The following STAG3 variants were observed in gnomAD, a reference collection of about 807,000 sequenced individuals.
The protein encoded by STAG3 is cohesin subunit SA-3.
STAG3 carries 101 observed loss-of-function variants against 160.7 expected under a neutral mutation model. That is an observed-to-expected ratio of 0.63 (90% CI 0.54 to 0.74). The LOEUF (loss-of-function observed/expected upper bound fraction) is 0.74. Ranked by LOEUF, STAG3 falls within the 30% of genes least tolerant of loss-of-function variation. STAG3 has a pLI of 0.00. For missense variants in STAG3, 1,188 were observed against 1,517.4 expected, an observed-to-expected ratio of 0.78 and a Z score of 3.61; for synonymous variants, 519 against 585.0, an observed-to-expected ratio of 0.89 and a Z score of 1.63.
intron 21 of STAG3, 72 bp downstream of exon 21, chr7:100,201,423 A>G: frequency 7.3e-7 from 1 of 1,375,372 alleles, no homozygotes; most frequent in Non-Finnish European, 1.0e-6. Flanking sequence ...CTAGGTGGCC[A>G]CTAGGTGTGT....
At position 100,198,907 on chromosome 7, in the gene STAG3, G is replaced by A. The variant is rs145719011; in HGVS notation, c.1417G>A (p.Ala473Thr). 4.5e-5 allele frequency: 72 copies of A among 1,612,112 alleles called. No homozygotes were observed. The highest frequency in any genetic ancestry group is 2.2e-4 in the East Asian group (10 of 44,902). The change falls in exon 14 of 34, where the codon GCC (alanine) becomes ACC (threonine). Residue 473 changes from alanine (A) to threonine (T), a missense_variant. Ala to Thr is a moderately conservative substitution (Grantham distance 58, BLOSUM62 0). Transcript: ENST00000615138. ...AAGAGAGCAACGCCAGAGCCCAGGC[G>A]CCCAGAGGACTTTCTTCCAGCTTCT... ...GGREQRQSPGAQRTFFQLLLS... is the reference protein window; with the variant it reads ...GGREQRQSPGTQRTFFQLLLS...
chr7:100,214,313 A>G lies in STAG3; in HGVS notation c.*298A>G. 2 of 457,522 alleles carry G rather than the reference A, an allele frequency of 4.4e-6. No individual in the cohort carries two copies. Among genetic ancestry groups the G allele is most frequent in the Admixed American group, 7.8e-5 (2 of 25,648 alleles). The allele number at this position is 457,522 out of a possible 1,614,324, so 28.3% of individuals were successfully genotyped here. On this transcript the variant is annotated 3_prime_UTR_variant, in exon 34 of 34. Coordinates refer to ENST00000615138, the MANE Select transcript of STAG3 (RefSeq NM_001282717.2). The stretch of plus-strand genomic sequence containing the variant: ...ATGGAAATAGCCCATAGTCTCCTGG[A>G]TTTTTGGAACATCTTTCTCAGCCTA...
chr7:100,205,172 G>A, intron 28 of STAG3, 39 bp downstream of exon 28: 3 of 1,613,606 alleles, frequency 1.9e-6, no homozygotes, highest in Non-Finnish European at 2.5e-6. Flanking sequence ...ATTAGGGAAG[G>A]GCCTGCTGAG....
At chr7:100,181,901 CAAAAAA>C (rs3041317) in intron 2 of STAG3, among the ~76,000 whole-genome samples, 183 bp from the exon 3 acceptor site, 1 of 70,314 alleles carries the variant, frequency 1.4e-5, no homozygotes, top group African/African-American at 6.6e-5. Context: ...AACTCCGTCT[CAAAAAA>C]AAAAAAAAAA....
intron 14 of STAG3, 145 bp downstream of exon 14, chr7:100,199,102 C>G: frequency 1.1e-6 from 1 of 880,682 alleles, no homozygotes; most frequent in Non-Finnish European, 1.9e-6. Context: ...CCAGCCTGGG[C>G]AACACAGTGA....
chr7:100,211,383 C>T, intron 30 of STAG3, 52 bp from the exon 31 acceptor site: 2 of 1,587,410 alleles, frequency 1.3e-6, no homozygotes, highest in African/African-American at 1.4e-5. Context: ...TGCCTTACAT[C>T]CTCTTCTTAC....
At chr7:100,193,366 T>C (rs1584691732) in intron 8 of STAG3, among the ~76,000 whole-genome samples, 1 of 152,210 alleles carries the variant, frequency 6.6e-6, no homozygotes, top group Non-Finnish European at 1.5e-5. Context: ...AGGCTGTCCG[T>C]TGAAGCTTTG....
In STAG3 at chr7:100,204,675, C is replaced by T. The variant is rs770612394; in HGVS notation, c.2851C>T (p.Leu951Phe). The change falls in exon 27 of 34, where the codon CTT becomes TTT. Residue 951 changes from leucine (L) to phenylalanine (F), a missense_variant. By Grantham distance (22) the Leu-to-Phe change is conservative (BLOSUM62 0). Around this residue, in one of 4 missense-constraint regions of STAG3, gnomAD observed 647 missense variants for 717.2 expected, o/e 0.90. Coordinates refer to ENST00000615138, the MANE Select transcript of STAG3 (RefSeq NM_001282717.2). ...QEHGPQGLNE[L>F]PAFIEMRDLA... Reference sequence around the variant, plus strand: ...GCATGGGCCCCAGGGCCTGAATGAGCTTCCTGCCTTCATCGAGATGAGGGA... The same window carrying T: ...GCATGGGCCCCAGGGCCTGAATGAGTTTCCTGCCTTCATCGAGATGAGGGA... 1.9e-6 allele frequency: 3 copies of T among 1,614,178 alleles called. No homozygotes were observed. The highest frequency in any genetic ancestry group is 1.1e-5 in the South Asian group (1 of 91,086).
chr7:100,198,228 C>T, intron 12 of STAG3, 62 bp downstream of exon 12: 1 of 1,492,942 alleles, frequency 6.7e-7, no homozygotes, highest in Non-Finnish European at 9.3e-7. Context: ...GGTCATCTCC[C>T]TCCACCTGTC....
chr7:100,211,220 C>G, intron 30 of STAG3, 35 bp downstream of exon 30: 2 of 1,535,456 alleles, frequency 1.3e-6, no homozygotes, highest in Non-Finnish European at 1.7e-6. Context: ...TGTCTGAGTT[C>G]CCAGTTTGGT....
intron 9 of STAG3, among the ~76,000 whole-genome samples, chr7:100,196,425 C>T (rs548310334): frequency 4.3e-4 from 66 of 152,048 alleles, no homozygotes; most frequent in African/African-American, 1.3e-3. Context: ...GGACTACAGG[C>T]GCCCACCACC....
downstream of STAG3, among the ~76,000 whole-genome samples, chr7:100,216,033 C>A (rs1018021329): frequency 6.6e-6 from 1 of 152,184 alleles, no homozygotes; most frequent in African/African-American, 2.4e-5. Flanking sequence ...AGCCAACATC[C>A]ATGTTGGCTG....
At position 100,200,916 on chromosome 7, in the gene STAG3, CTAG is replaced by C; in HGVS notation, c.2012_2014del (p.Val671del). ...CCGGGCGGACTTTGCCCGCAGCCAG[CTAG>C]TAGATTTGCTGACTGACCGCTTCCA... On this transcript the variant is annotated inframe_deletion, in exon 19 of 34. Coordinates refer to ENST00000615138, the MANE Select transcript of STAG3 (RefSeq NM_001282717.2). 6.2e-7 allele frequency: 1 copy of C among 1,614,194 alleles called. No homozygotes were observed. The highest frequency in any genetic ancestry group is 8.5e-7 in the Non-Finnish European group (1 of 1,180,042).
rs1801097488 is a variant in STAG3, at chr7:100,201,156, T to C, written c.2128T>C (p.Tyr710His). 6.2e-7 allele frequency: 1 copy of C among 1,614,140 alleles called. No homozygotes were observed. Among genetic ancestry groups the C allele is most frequent in the South Asian group, 1.1e-5 (1 of 91,096 alleles). ...AATLKRLSAF[Y>H]NTHDLTRWEL... ...CACTCTGAAACGCCTCTCTGCCTTCTACAAGTGAGTGGCTTTCCTCCTCTT... is the reference window on the plus strand; with the variant it reads ...CACTCTGAAACGCCTCTCTGCCTTCCACAAGTGAGTGGCTTTCCTCCTCTT... The change falls in exon 20 of 34, where the codon TAC becomes CAC. Residue 710 changes from tyrosine to histidine, a missense_variant. Coordinates refer to ENST00000615138, the MANE Select transcript of STAG3 (RefSeq NM_001282717.2).
chr7:100,191,256 C>T (rs922650571), intron 8 of STAG3, among the ~76,000 whole-genome samples: 2 of 152,166 alleles, frequency 1.3e-5, no homozygotes, highest in African/African-American at 4.8e-5. Flanking sequence ...CTAAATCTCC[C>T]CTGGGGAACA....
Position 100,199,248 on chromosome 7 carries a change from A to T in STAG3, c.1468-14A>T, listed in dbSNP as rs1159299834. 2 of 1,573,882 alleles carry T rather than the reference A, an allele frequency of 1.3e-6. No individual in the cohort carries two copies. The highest frequency in any genetic ancestry group is 1.4e-5 in the African/African-American group (1 of 74,052). Reference sequence around the variant, plus strand: ...ACATGCTATCATTAACTCCCCATGCACGTTCTCCCCTAGCTCCATGACCAC... The same window carrying T: ...ACATGCTATCATTAACTCCCCATGCTCGTTCTCCCCTAGCTCCATGACCAC... On this transcript the variant is annotated splice_polypyrimidine_tract_variant and intron_variant, in intron 14 of 33. Transcript: ENST00000615138.
intron 4 of STAG3, among the ~76,000 whole-genome samples, chr7:100,185,388 A>C (rs1799927035): frequency 6.6e-6 from 1 of 152,122 alleles, no homozygotes; most frequent in Admixed American, 6.6e-5. Context: ...TGAGGTCAGG[A>C]GTTCGAGATC....
At chr7:100,210,809 C>T (rs1284693624) in intron 29 of STAG3, among the ~76,000 whole-genome samples, 2 of 152,346 alleles carry the variant, frequency 1.3e-5, no homozygotes, top group Non-Finnish European at 2.9e-5. Flanking sequence ...CTACAATTCT[C>T]TAAGCCTTAC....
rs945513215 is a variant in STAG3, at chr7:100,207,255, G to A, written c.3238+1871G>A. 2.0e-5 allele frequency among the ~76,000 whole-genome samples: 3 copies of A among 152,118 alleles called. No individual in the cohort carries two copies. Among genetic ancestry groups the A allele is most frequent in the South Asian group, 2.1e-4 (1 of 4,830 alleles). On this transcript the variant is annotated intron_variant, in intron 29 of 33. Coordinates refer to ENST00000615138, the MANE Select transcript of STAG3 (RefSeq NM_001282717.2). This position sits in a 1 kb window ranked among gnomAD's most constrained non-coding sequence, Gnocchi z 4.0. Reference sequence around the variant, plus strand: ...TACCTGGGAGTGGAATTGCTGGTTCGTATGGCAATTCTATGTTTAAGTTTT... The same window carrying A: ...TACCTGGGAGTGGAATTGCTGGTTCATATGGCAATTCTATGTTTAAGTTTT...
Sources: gnomAD v4.1 joint callset for allele counts (sites outside exome capture counted in the v4.1 genomes callset) on GRCh38, gnomAD v4.1.1 for gene constraint, gnomAD v4.1.1 regional missense constraint, Gnocchi (gnomAD v3.1) non-coding constraint, MANE v1.5 for transcripts, NCBI Gene and HGNC (gene_info 2026-07-23, HGNC 2026-07-21) for gene names.